The following TRIM22 variants were observed in gnomAD, a reference collection of about 807,000 sequenced individuals.
TRIM22 encodes tripartite motif containing 22.
Under a neutral mutation model 53.6 loss-of-function variants are expected in TRIM22, and 45 were observed. The ratio of observed to expected loss-of-function variants is 0.84; its 90% CI spans 0.66 to 1.08. The LOEUF (loss-of-function observed/expected upper bound fraction) is 1.08, where lower values mean the gene tolerates loss of function less well. TRIM22 is among the 50% of genes least tolerant of loss of function. The probability of loss-of-function intolerance (pLI) is 0.00; values close to 1 mark genes in which losing one functional copy is unlikely to be tolerated. For synonymous variants in TRIM22, 225 were observed against 216.6 expected (o/e 1.04, Z -0.34); for missense variants, 616 against 590.9 (o/e 1.04, Z -0.44).
intron 4 of TRIM22, among the ~76,000 whole-genome samples, chr11:5,700,190 T>G (rs1403481605): frequency 1.3e-5 from 2 of 151,992 alleles, no homozygotes; most frequent in Non-Finnish European, 2.9e-5. Context: ...TGGCACAATC[T>G]CACCTCACTG....
intron 5 of TRIM22, among the ~76,000 whole-genome samples, chr11:5,707,045 T>C (rs748376021): frequency 3.3e-5 from 5 of 152,224 alleles, no homozygotes; most frequent in Non-Finnish European, 5.9e-5. Flanking sequence ...TGGTGCTTTT[T>C]AGATTTCTAG....
intron 4 of TRIM22, among the ~76,000 whole-genome samples, chr11:5,698,770 T>C (rs1853315811): frequency 6.6e-6 from 1 of 152,194 alleles, no homozygotes; most frequent in South Asian, 2.1e-4. Context: ...GAGAGCAGTG[T>C]AAAAATTTGA....
At chr11:5,693,171 G>A (rs55986098) in intron 1 of TRIM22, among the ~76,000 whole-genome samples, 59,828 of 146,246 alleles carry the variant, frequency 0.41, 12,485 homozygotes, top group Non-Finnish European at 0.47. Flanking sequence ...ACAGGCTTGA[G>A]CCACAGCGCC....
At chr11:5,696,025 T>C (rs1405232446) in intron 1 of TRIM22, 142 bp from the exon 2 acceptor site, 4 of 434,724 alleles carry the variant, frequency 9.2e-6, no homozygotes, top group Non-Finnish European at 1.6e-5. Context: ...GTCCATTTTA[T>C]TCTGTCATTG....
chr11:5,706,670 C>G, intron 5 of TRIM22, 54 bp downstream of exon 5: 2 of 1,516,078 alleles, frequency 1.3e-6, no homozygotes, highest in Middle Eastern at 3.5e-4. Flanking sequence ...AATTATAGTC[C>G]TGAGAGATAT....
chr11:5,700,658 G>A lies in TRIM22; in HGVS notation c.750+2113G>A, dbSNP rs140039913. Among the ~76,000 whole-genome samples, 11 of 74,424 alleles carry A rather than the reference G, an allele frequency of 1.5e-4. No homozygotes were observed. In the East Asian group the frequency reaches 2.7e-3, roughly 19 times the overall value. The allele number at this position is 74,424 out of a possible 152,430, so 48.8% of individuals were successfully genotyped here. On this transcript the variant is annotated intron_variant, in intron 4 of 7. Coordinates refer to ENST00000379965, the MANE Select transcript of TRIM22 (RefSeq NM_006074.5). ...CCTCTTTTTTTCTTTTTTTTGAGAC[G>A]CAGTCTCGTTCTGTCACCCAGACTG...
chr11:5,702,899 G>T (rs1233715579), intron 4 of TRIM22, among the ~76,000 whole-genome samples: 4 of 152,108 alleles, frequency 2.6e-5, no homozygotes, highest in African/African-American at 9.7e-5. Flanking sequence ...AAATTCTTGA[G>T]TCATGGGTGT....
rs557113426 is a variant in TRIM22 at position 5,698,510 on chromosome 11, C to T, written c.715C>T (p.Arg239Trp). 8.1e-5 allele frequency: 130 copies of T among 1,613,828 alleles called. 1 individual carries two copies. The South Asian group carries it at 1.2e-3, about 15-fold the overall frequency. ...DASTLISDLQRRLRGSSVEML... is the reference protein window; with the variant it reads ...DASTLISDLQWRLRGSSVEML... Reference sequence around the variant, plus strand: ...CAGCACGCTCATCTCAGATCTCCAGCGGAGGTTGAGGGGATCGTCAGTAGA... The same window carrying T: ...CAGCACGCTCATCTCAGATCTCCAGTGGAGGTTGAGGGGATCGTCAGTAGA... The change falls in exon 4 of 8, where the codon CGG becomes TGG. Residue 239 changes from arginine to tryptophan, a missense_variant. Coordinates refer to ENST00000379965, the MANE Select transcript of TRIM22 (RefSeq NM_006074.5).
intron 4 of TRIM22, among the ~76,000 whole-genome samples, chr11:5,699,502 G>GCC (rs557046603): frequency 0.024 from 2,895 of 120,476 alleles, 122 homozygotes; most frequent in Non-Finnish European, 0.034. Flanking sequence ...CCGCAGTCCG[G>GCC]CCTGGGCGAC....
chr11:5,691,729 A>T (rs1853175095), intron 1 of TRIM22, among the ~76,000 whole-genome samples: 1 of 152,170 alleles, frequency 6.6e-6, no homozygotes, highest in Admixed American at 6.5e-5. Context: ...TAAGGCAAGG[A>T]GTTGGTAATT....
At chr11:5,708,375 G>A in intron 6 of TRIM22, 102 bp downstream of exon 6, 2 of 1,145,370 alleles carry the variant, frequency 1.7e-6, no homozygotes, top group Non-Finnish European at 2.5e-6. Flanking sequence ...GAGAGGAGGT[G>A]GGCCAGAGAA....
At chr11:5,708,365 G>A in intron 6 of TRIM22, 92 bp downstream of exon 6, 1 of 1,212,616 alleles carries the variant, frequency 8.2e-7, no homozygotes, top group South Asian at 1.3e-5. Context: ...TAGGATATAG[G>A]AGAGGAGGTG....
chr11:5,700,057 G>A (rs989921805), intron 4 of TRIM22, among the ~76,000 whole-genome samples: 1 of 150,408 alleles, frequency 6.6e-6, no homozygotes, highest in African/African-American at 2.4e-5. Context: ...TTTTCTACAT[G>A]GAGAATCATG....
At chr11:5,704,444 A>G (rs1001987408) in intron 4 of TRIM22, among the ~76,000 whole-genome samples, 17 of 151,992 alleles carry the variant, frequency 1.1e-4, no homozygotes, top group Non-Finnish European at 1.5e-5. Flanking sequence ...TTTTATTATC[A>G]GTTTGTTGAG....
Position 5,709,041 on chromosome 11 carries a change from T to G in TRIM22, c.902-12T>G. On this transcript the variant is annotated splice_polypyrimidine_tract_variant and intron_variant, in intron 7 of 7. Coordinates refer to ENST00000379965, the MANE Select transcript of TRIM22 (RefSeq NM_006074.5). ...CCATATCCTTCACTTGACTTGGTAA[T>G]TTTTTCTACAGTGGACGTGATGCTG... is the stretch of plus-strand genomic sequence containing the variant. The G allele has an allele frequency of 2.5e-6, 4 of 1,604,664 alleles. No individual in the cohort carries two copies. The highest frequency in any genetic ancestry group is 3.4e-6 in the Non-Finnish European group (4 of 1,172,602).
In TRIM22 at chr11:5,697,311, G is replaced by A; in HGVS notation, c.487G>A (p.Asp163Asn). The A allele has an allele frequency of 1.2e-6, 2 of 1,613,780 alleles. No individual in the cohort carries two copies. Among genetic ancestry groups the A allele is most frequent in the Non-Finnish European group, 1.7e-6 (2 of 1,179,844 alleles). Residue 163 changes from aspartate to asparagine, a missense_variant, in exon 3 of 8, where the codon GAT becomes AAT. Asp to Asn is a conservative substitution (Grantham distance 23). Coordinates refer to ENST00000379965, the MANE Select transcript of TRIM22 (RefSeq NM_006074.5). ...GGATCAAGAGGCTGAGAAGCTGGAA[G>A]ATGACATCAGACAAGAGAGAACCGC... ...KEDQEAEKLE[D>N]DIRQERTAWK...
rs1405127852 is a variant in TRIM22, at chr11:5,698,478, A to G, written c.683A>G (p.Gln228Arg). 1.2e-6 allele frequency: 2 copies of G among 1,614,100 alleles called. No homozygotes were observed. Among genetic ancestry groups the G allele is most frequent in the Admixed American group, 1.7e-5 (1 of 60,020 alleles). Residue 228 changes from glutamine to arginine, a missense_variant, in exon 4 of 8, where the codon CAG (glutamine) becomes CGG (arginine). Physicochemically the swap from Gln to Arg is conservative, Grantham distance 43. Coordinates refer to ENST00000379965, the MANE Select transcript of TRIM22 (RefSeq NM_006074.5). ...AATDQLVQQR[Q>R]DASTLISDLQ... ...ACAGACCAGCTGGTCCAGCAGAGGC[A>G]GGATGCCAGCACGCTCATCTCAGAT...
intron 1 of TRIM22, chr11:5,691,245 C>G (rs576507476): frequency 6.6e-6 from 1 of 152,208 alleles, no homozygotes; most frequent in Admixed American, 6.5e-5. Context: ...CCGAGCTCCT[C>G]GAGTGAGCAA....
In TRIM22 at chr11:5,696,543, T is replaced by TC; in HGVS notation, c.313dup (p.Gln105ProfsTer5). On this transcript the variant is annotated frameshift_variant, in exon 2 of 8. Transcript: ENST00000379965. LOFTEE classifies it high-confidence loss of function. ...GTCTGTGAGCACCATGGAAAAAAAC[T>TC]CCAGATCTTCTGTAAGGAGGATGGA... is the stretch of plus-strand genomic sequence containing the variant. The TC allele has an allele frequency of 6.2e-7, 1 of 1,614,192 alleles. No homozygotes were observed. The highest frequency in any genetic ancestry group is 1.1e-5 in the South Asian group (1 of 91,080).
Sources: gnomAD v4.1 joint callset for allele counts (sites outside exome capture counted in the v4.1 genomes callset) on GRCh38, gnomAD v4.1.1 for gene constraint, MANE v1.5 for transcripts, NCBI Gene and HGNC (gene_info 2026-07-23, HGNC 2026-07-21) for gene names.